STX6: variants seen among roughly 807,000 people sequenced by gnomAD.
STX6 encodes syntaxin-6.
Under a neutral mutation model 38.0 loss-of-function variants are expected in STX6, and 23 were observed. That is an observed-to-expected ratio of 0.60 (90% CI 0.43 to 0.86). STX6 has a LOEUF of 0.86. Ranked by LOEUF, STX6 falls within the 40% of genes least tolerant of loss-of-function variation. The pLI, the probability that STX6 is intolerant of heterozygous loss-of-function variation, is 0.00. For synonymous variants in STX6, 123 were observed against 107.5 expected (o/e 1.14, Z -0.89); for missense variants, 274 against 312.9 (o/e 0.88, Z 0.94).
At chr1:181,006,125 C>T (rs780977792) in intron 1 of STX6, among the ~76,000 whole-genome samples, 12 of 152,048 alleles carry the variant, frequency 7.9e-5, no homozygotes, top group African/African-American at 1.4e-4. Context: ...CGAAATGGTG[C>T]GATCTTGGCT....
chr1:180,991,650 T>C (rs1472542615), intron 4 of STX6, among the ~76,000 whole-genome samples: 4 of 152,146 alleles, frequency 2.6e-5, no homozygotes, highest in African/African-American at 9.7e-5. Context: ...ATGTTTGTGA[T>C]AATAGGATAG....
intron 5 of STX6, chr1:180,988,573 G>C (rs775008232): frequency 4.6e-6 from 2 of 438,366 alleles, no homozygotes; most frequent in East Asian, 9.6e-5. Flanking sequence ...AACAGTCAGC[G>C]GGGCTTGAAA....
chr1:181,018,218 T>A (rs1023590930), intron 1 of STX6, among the ~76,000 whole-genome samples: 1 of 151,412 alleles, frequency 6.6e-6, no homozygotes, highest in African/African-American at 2.4e-5. Flanking sequence ...ATGCCATCTC[T>A]ACTAAAAATA....
At chr1:181,009,630 C>CA (rs1473511267) in intron 1 of STX6, among the ~76,000 whole-genome samples, 1 of 152,008 alleles carries the variant, frequency 6.6e-6, no homozygotes, top group African/African-American at 2.4e-5. Flanking sequence ...AAAATGAAAA[C>CA]AAAATGACAA....
At chr1:180,996,731 C>G (rs960025816) in intron 3 of STX6, among the ~76,000 whole-genome samples, 1 of 152,030 alleles carries the variant, frequency 6.6e-6, no homozygotes, top group Non-Finnish European at 1.5e-5. Flanking sequence ...TGCCACCATG[C>G]CTATTTATTT....
chr1:180,997,679 C>T (rs1655951989), intron 3 of STX6, among the ~76,000 whole-genome samples: 1 of 152,034 alleles, frequency 6.6e-6, no homozygotes, highest in Non-Finnish European at 1.5e-5. Context: ...TTTAATGTGG[C>T]AACTAGAAAA....
At chr1:180,993,600 G>T (rs546873267) in intron 3 of STX6, among the ~76,000 whole-genome samples, 175 bp from the exon 4 acceptor site, 3 of 152,196 alleles carry the variant, frequency 2.0e-5, no homozygotes, top group South Asian at 4.1e-4. Flanking sequence ...AAAGAAAGAT[G>T]GTCCCTTAAA....
At chr1:181,021,788 G>A (rs186964424) in intron 1 of STX6, among the ~76,000 whole-genome samples, 2 of 152,326 alleles carry the variant, frequency 1.3e-5, no homozygotes, top group Admixed American at 1.3e-4. Context: ...GATGAGCTAG[G>A]ATAGCTTGTA....
At chr1:181,002,838 A>G (rs1656122008) in intron 2 of STX6, 138 bp from the exon 3 acceptor site, 1 of 603,416 alleles carries the variant, frequency 1.7e-6, no homozygotes, top group Admixed American at 2.7e-5. Flanking sequence ...GACACCAATC[A>G]TTCTCAGACT....
intron 1 of STX6, among the ~76,000 whole-genome samples, chr1:181,014,471 A>G (rs1467906877): frequency 6.6e-6 from 1 of 152,182 alleles, no homozygotes; most frequent in African/African-American, 2.4e-5. Flanking sequence ...AATGGAAAAA[A>G]TACAATCTGC....
chr1:180,998,756 G>C (rs1655988251), intron 3 of STX6, among the ~76,000 whole-genome samples: 1 of 152,170 alleles, frequency 6.6e-6, no homozygotes, highest in East Asian at 1.9e-4. Context: ...CTTCATATTG[G>C]AATTCGGGAT....
At chr1:181,019,443 A>G (rs1375161435) in intron 1 of STX6, among the ~76,000 whole-genome samples, 1 of 152,008 alleles carries the variant, frequency 6.6e-6, no homozygotes, top group Non-Finnish European at 1.5e-5. Flanking sequence ...ATTAGGGGTG[A>G]CAAAGGAAGC....
intron 7 of STX6, among the ~76,000 whole-genome samples, chr1:180,981,819 C>T (rs764876013): frequency 3.3e-5 from 5 of 152,160 alleles, no homozygotes; most frequent in East Asian, 1.9e-4. Flanking sequence ...ATAGAAGGAA[C>T]GGGTACTAAC....
At chr1:181,017,609 G>C (rs915930962) in intron 1 of STX6, among the ~76,000 whole-genome samples, 1 of 152,126 alleles carries the variant, frequency 6.6e-6, no homozygotes, top group Non-Finnish European at 1.5e-5. Context: ...CTAAAAACTT[G>C]CCAACAAGGG....
At chr1:180,981,211 T>C (rs551863414) in intron 7 of STX6, among the ~76,000 whole-genome samples, 2 of 152,132 alleles carry the variant, frequency 1.3e-5, no homozygotes, top group African/African-American at 2.4e-5. Context: ...CGTAGGCTGA[T>C]TGTAACAAAC....
rs57204299 is a variant in STX6, at chr1:180,984,088, A to AAAAAAAAAAAC, written c.691+588_691+589insGTTTTTTTTTT. 1.5e-4 allele frequency among the ~76,000 whole-genome samples: 15 copies of AAAAAAAAAAAC among 101,464 alleles called. 2 individuals carry two copies. The highest frequency in any genetic ancestry group is 3.4e-4 in the Admixed American group (3 of 8,914). The allele number at this position is 101,464 out of a possible 152,430, so 66.6% of individuals were successfully genotyped here. On this transcript the variant is annotated intron_variant, in intron 7 of 7. Transcript: ENST00000258301. ...CAAAAAAAAAAAAAAAAAAAAAAAA[A>AAAAAAAAAAAC]AACACAACGAAAGTGACTCTACTGG...
intron 7 of STX6, among the ~76,000 whole-genome samples, chr1:180,982,318 G>T (rs905914373): frequency 3.3e-5 from 5 of 152,154 alleles, no homozygotes; most frequent in African/African-American, 1.2e-4. Flanking sequence ...AAAGCACCAA[G>T]CAGGAAGAGG....
intron 4 of STX6, among the ~76,000 whole-genome samples, chr1:180,991,944 A>ATATT (rs71121065): frequency 0.71 from 104,616 of 147,278 alleles, 37,389 homozygotes; most frequent in African/African-American, 0.75. Context: ...TTAAATTTAT[A>ATATT]TATATATATT....
Position 181,022,772 on chromosome 1 carries a change from C to T in STX6, c.-99G>A, listed in dbSNP as rs1279123505. ...CCCCGCCTGTTCCCGCAGCTGCCCGCGCCTTAGTCTGGGTGAAGCCGAGCA... is the reference window on the plus strand; with the variant it reads ...CCCCGCCTGTTCCCGCAGCTGCCCGTGCCTTAGTCTGGGTGAAGCCGAGCA... On this transcript the variant is annotated 5_prime_UTR_variant, in exon 1 of 8. Coordinates refer to ENST00000258301, the MANE Select transcript of STX6 (RefSeq NM_005819.6). The T allele has an allele frequency of 7.7e-7, 1 of 1,291,288 alleles. No individual in the cohort carries two copies. Among genetic ancestry groups the T allele is most frequent in the Non-Finnish European group, 1.1e-6 (1 of 921,872 alleles). The allele number at this position is 1,291,288 out of a possible 1,614,324, so 80.0% of individuals were successfully genotyped here. A position where few individuals can be genotyped will look rare whatever the true frequency, so the allele number is the denominator to read the frequency against.
Sources: gnomAD v4.1 joint callset for allele counts (sites outside exome capture counted in the v4.1 genomes callset) on GRCh38, gnomAD v4.1.1 for gene constraint, MANE v1.5 for transcripts, NCBI Gene and HGNC (gene_info 2026-07-23, HGNC 2026-07-21) for gene names.